Variants in NR2F1-AS1 observed in about 807,000 individuals in gnomAD.
The protein encoded by NR2F1-AS1 is NR2F1 regulatory antisense RNA 1.
chr5:93,559,406 C>G (rs1037493819), intron 2 of NR2F1-AS1, among the ~76,000 whole-genome samples: 1 of 152,214 alleles, frequency 6.6e-6, no homozygotes, highest in Non-Finnish European at 1.5e-5. Context: ...ACCCAGACCA[C>G]TCACAATTTC....
chr5:93,538,896 C>T (rs1279147878), intron 4 of NR2F1-AS1, among the ~76,000 whole-genome samples: 2 of 152,138 alleles, frequency 1.3e-5, no homozygotes, highest in East Asian at 3.8e-4. Context: ...CGTTATACAT[C>T]ACTTCACTTA....
At chr5:93,496,779 C>T (rs1183569386) in intron 4 of NR2F1-AS1, among the ~76,000 whole-genome samples, 1 of 152,204 alleles carries the variant, frequency 6.6e-6, no homozygotes, top group Middle Eastern at 3.2e-3. Context: ...AGCATAACAA[C>T]TTTTCTCCTG....
rs1366190580 is a variant in NR2F1-AS1 at position 93,579,558 on chromosome 5, G to GC, written n.313+908dup. Among the ~76,000 whole-genome samples the GC allele has an allele frequency of 6.6e-6, 1 of 152,134 alleles. No individual in the cohort carries two copies. The stretch of plus-strand genomic sequence containing the variant: ...ACCTACAGGGCCTGACCCCGGGCCA[G>GC]CCCAGCTAGGCAAGGCCTCCTCGCT... On this transcript the variant is annotated intron_variant and non_coding_transcript_variant, in intron 1 of 5. Transcript: ENST00000660523. The surrounding 1 kb of genome is among the most constrained non-coding windows in gnomAD (Gnocchi z 5.1).
chr5:93,433,242 G>A (rs187523543), intron 4 of NR2F1-AS1, among the ~76,000 whole-genome samples: 2 of 152,184 alleles, frequency 1.3e-5, no homozygotes, highest in Admixed American at 6.5e-5. Context: ...TTTCTTCTTC[G>A]TTGTTGGGTT....
intron 4 of NR2F1-AS1, among the ~76,000 whole-genome samples, chr5:93,420,319 T>G (rs1408698904): frequency 6.6e-6 from 1 of 152,212 alleles, no homozygotes; most frequent in Non-Finnish European, 1.5e-5. Flanking sequence ...AGAACGAGCA[T>G]GGCAGTAAGC....
chr5:93,519,279 T>C (rs1751455449), intron 4 of NR2F1-AS1, among the ~76,000 whole-genome samples: 1 of 152,068 alleles, frequency 6.6e-6, no homozygotes, highest in Admixed American at 6.6e-5. Flanking sequence ...CATCTCACAT[T>C]CATTCCAGGG....
chr5:93,459,852 G>A (rs1236615694), intron 4 of NR2F1-AS1, among the ~76,000 whole-genome samples: 1 of 152,092 alleles, frequency 6.6e-6, no homozygotes, highest in African/African-American at 2.4e-5. Flanking sequence ...AGCCAGGCAG[G>A]TGAAAAGGGA....
At chr5:93,580,159 A>T (rs1355972841) in intron 1 of NR2F1-AS1, among the ~76,000 whole-genome samples, 1 of 152,182 alleles carries the variant, frequency 6.6e-6, no homozygotes, top group Non-Finnish European at 1.5e-5. Context: ...TTTCCCGCCT[A>T]GGAGAGAGAG....
chr5:93,497,743 T>G (rs995835945), intron 4 of NR2F1-AS1, among the ~76,000 whole-genome samples: 1 of 152,148 alleles, frequency 6.6e-6, no homozygotes, highest in Non-Finnish European at 1.5e-5. Flanking sequence ...AATAAATATA[T>G]GAAGAAAAAC....
rs150802874 is a variant in NR2F1-AS1 at position 93,412,546 on chromosome 5, T to C, written n.639-17004A>G. 8.7e-4 allele frequency among the ~76,000 whole-genome samples: 132 copies of C among 152,326 alleles called. 1 individual carries two copies. The highest frequency in any genetic ancestry group is 1.7e-3 in the East Asian group (9 of 5,186). On this transcript the variant is annotated intron_variant and non_coding_transcript_variant, in intron 4 of 5. Transcript: ENST00000660523. ...CAGTTGCACTGACTTTACTCTACAT[T>C]GCTTCTTCATTTCTCCGTTTTCCTA...
At chr5:93,490,061 T>C (rs1025340312) in intron 4 of NR2F1-AS1, among the ~76,000 whole-genome samples, 1 of 152,198 alleles carries the variant, frequency 6.6e-6, no homozygotes, top group Admixed American at 6.5e-5. Context: ...TCCCTTCAGA[T>C]CCAGATTGAG....
chr5:93,580,916 A>G (rs1416630565), upstream of NR2F1-AS1: 1 of 152,306 alleles, frequency 6.6e-6, no homozygotes, highest in African/African-American at 2.4e-5. Context: ...CGCGGAGTGC[A>G]TTGACAGTTC....
chr5:93,485,816 A>T (rs1750701623), intron 4 of NR2F1-AS1, among the ~76,000 whole-genome samples: 1 of 150,064 alleles, frequency 6.7e-6, no homozygotes, highest in Admixed American at 6.7e-5. Context: ...ATGCACACGT[A>T]TGTTTATTGC....
chr5:93,541,948 A>C (rs879685455), intron 4 of NR2F1-AS1: 3 of 151,986 alleles, frequency 2.0e-5, no homozygotes, highest in Admixed American at 2.0e-4. Flanking sequence ...CAAGAGATCA[A>C]AATTTTAAAT....
At chr5:93,410,206 T>C (rs1748824545) in intron 4 of NR2F1-AS1, 2 of 152,186 alleles carry the variant, frequency 1.3e-5, no homozygotes, top group South Asian at 4.1e-4. Context: ...CTGAAATAAT[T>C]ACTTAGCCAA....
At chr5:93,458,902 C>T (rs779805307) in intron 4 of NR2F1-AS1, among the ~76,000 whole-genome samples, 28 of 151,934 alleles carry the variant, frequency 1.8e-4, no homozygotes, top group Non-Finnish European at 2.2e-4. Context: ...ATCCCAGCTA[C>T]TCGGGAGGCT....
At chr5:93,561,892 G>A (rs1026579322) in intron 2 of NR2F1-AS1, among the ~76,000 whole-genome samples, 4 of 152,020 alleles carry the variant, frequency 2.6e-5, no homozygotes, top group Non-Finnish European at 4.4e-5. Flanking sequence ...CTGAGTTTTC[G>A]AAATATGAAT....
chr5:93,554,195 T>C (rs1396850746), intron 3 of NR2F1-AS1, among the ~76,000 whole-genome samples: 1 of 152,172 alleles, frequency 6.6e-6, no homozygotes, highest in East Asian at 1.9e-4. Context: ...GCTCAAAACA[T>C]GAAAGCATGC....
chr5:93,507,177 A>G (rs969008311), intron 4 of NR2F1-AS1, among the ~76,000 whole-genome samples: 4 of 152,228 alleles, frequency 2.6e-5, no homozygotes, highest in Non-Finnish European at 5.9e-5. Flanking sequence ...TAGCAAACTA[A>G]GAATACAAGA....
Sources: gnomAD v4.1 joint callset for allele counts (sites outside exome capture counted in the v4.1 genomes callset) on GRCh38, gnomAD v4.1.1 for gene constraint, Gnocchi (gnomAD v3.1) non-coding constraint, MANE v1.5 for transcripts, NCBI Gene and HGNC (gene_info 2026-07-23, HGNC 2026-07-21) for gene names.